FHOD3: variants seen among roughly 807,000 people sequenced by gnomAD.
The protein encoded by FHOD3 is formin homology 2 domain containing 3.
Under a neutral mutation model 173.0 loss-of-function variants are expected in FHOD3, and 90 were observed. That is an observed-to-expected ratio of 0.52 (90% CI 0.44 to 0.62). The LOEUF (loss-of-function observed/expected upper bound fraction) is 0.62, where lower values mean the gene tolerates loss of function less well. FHOD3 is among the 20% of genes least tolerant of loss of function. The probability of loss-of-function intolerance (pLI) is 0.00; values close to 1 mark genes in which losing one functional copy is unlikely to be tolerated. For missense variants in FHOD3, 1,945 were observed against 2,034.7 expected, an observed-to-expected ratio of 0.96 and a Z score of 0.85; for synonymous variants, 828 against 823.0, an observed-to-expected ratio of 1.01 and a Z score of -0.10.
intron 1 of FHOD3, among the ~76,000 whole-genome samples, chr18:36,304,490 T>C (rs552739994): frequency 3.2e-4 from 49 of 152,358 alleles, no homozygotes; most frequent in African/African-American, 1.1e-3. Flanking sequence ...ATCAGAGCTC[T>C]TTCATTAAGT....
chr18:36,299,946 T>C (rs1377178870), intron 1 of FHOD3, among the ~76,000 whole-genome samples: 1 of 152,212 alleles, frequency 6.6e-6, no homozygotes, highest in Non-Finnish European at 1.5e-5. Context: ...GTCAGGGCAT[T>C]TATGTGCCTG....
intron 1 of FHOD3, among the ~76,000 whole-genome samples, chr18:36,301,858 C>T (rs76418848): frequency 0.017 from 2,558 of 152,254 alleles, 41 homozygotes; most frequent in Non-Finnish European, 0.026. Flanking sequence ...GTTAAAATGA[C>T]AATTATTACT....
At chr18:36,595,640 T>A (rs2030219018) in intron 7 of FHOD3, among the ~76,000 whole-genome samples, 1 of 152,246 alleles carries the variant, frequency 6.6e-6, no homozygotes, top group African/African-American at 2.4e-5. Context: ...CCCAGAGTGA[T>A]GTCCCAGCAC....
chr18:36,541,545 G>T (rs1039828309), intron 5 of FHOD3, among the ~76,000 whole-genome samples: 3 of 151,964 alleles, frequency 2.0e-5, no homozygotes, highest in Admixed American at 1.3e-4. Context: ...AAATGAAAAA[G>T]AAATGATGCT....
chr18:36,589,811 T>G (rs1262933545), intron 6 of FHOD3, among the ~76,000 whole-genome samples: 2 of 152,158 alleles, frequency 1.3e-5, no homozygotes, highest in African/African-American at 2.4e-5. Flanking sequence ...GACTGCTTTG[T>G]GACTGCTGTG....
At position 36,330,838 on chromosome 18, in the gene FHOD3, ATGAG is replaced by A. The variant is rs34029107; in HGVS notation, c.166-24672_166-24669del. Among the ~76,000 whole-genome samples, 342 of 151,214 alleles carry A rather than the reference ATGAG, an allele frequency of 2.3e-3. 1 individual carries two copies. Among genetic ancestry groups the A allele is most frequent in the East Asian group, 3.9e-3 (20 of 5,178 alleles). On this transcript the variant is annotated intron_variant, in intron 1 of 28. Coordinates refer to ENST00000590592, the MANE Select transcript of FHOD3 (RefSeq NM_001281740.3). ...GCATCAGAGCTGGAATCTTTTTCTG[ATGAG>A]TGAGTGAGTGAGTGAGTGAGTGAGT...
chr18:36,333,287 A>G (rs1242402122), intron 1 of FHOD3, among the ~76,000 whole-genome samples: 1 of 152,220 alleles, frequency 6.6e-6, no homozygotes, highest in African/African-American at 2.4e-5. Flanking sequence ...GATGGCTGTC[A>G]GGTAAAGACA....
chr18:36,517,283 T>C (rs1270994445), intron 5 of FHOD3, among the ~76,000 whole-genome samples: 1 of 152,176 alleles, frequency 6.6e-6, no homozygotes, highest in African/African-American at 2.4e-5. Context: ...CCTAGAGTGG[T>C]ATATTGCTGG....
At chr18:36,758,994 G>A in intron 25 of FHOD3, 124 bp from the exon 26 acceptor site, 1 of 1,036,524 alleles carries the variant, frequency 9.6e-7, no homozygotes, top group South Asian at 1.4e-5. Flanking sequence ...TATCCTGGTT[G>A]TGGTGACCAG....
At chr18:36,715,907 C>T (rs758134958) in intron 18 of FHOD3, among the ~76,000 whole-genome samples, 3 of 152,168 alleles carry the variant, frequency 2.0e-5, no homozygotes, top group African/African-American at 4.8e-5. Context: ...GAGGGGCTGA[C>T]ACCCTGAGGC....
At chr18:36,327,063 A>G (rs758664172) in intron 1 of FHOD3, among the ~76,000 whole-genome samples, 1 of 152,204 alleles carries the variant, frequency 6.6e-6, no homozygotes, top group Non-Finnish European at 1.5e-5. Flanking sequence ...GTACGTCATG[A>G]GGTTTCTTTG....
intron 11 of FHOD3, among the ~76,000 whole-genome samples, 152 bp from the exon 12 acceptor site, chr18:36,652,418 T>C (rs1336984567): frequency 2.0e-5 from 3 of 152,248 alleles, no homozygotes; most frequent in African/African-American, 7.2e-5. Context: ...TGACAGGCTT[T>C]TATGCTTCAG....
chr18:36,614,558 T>C (rs1350302365), intron 9 of FHOD3, among the ~76,000 whole-genome samples: 3 of 152,186 alleles, frequency 2.0e-5, no homozygotes, highest in Admixed American at 6.5e-5. Flanking sequence ...CTTTAACTGA[T>C]TGAGGAATTG....
At chr18:36,532,404 C>A (rs981994227) in intron 5 of FHOD3, among the ~76,000 whole-genome samples, 3 of 152,176 alleles carry the variant, frequency 2.0e-5, no homozygotes, top group African/African-American at 4.8e-5. Flanking sequence ...AAAGGGACAT[C>A]CATAGTGGCT....
chr18:36,324,522 A>G (rs1307814458), intron 1 of FHOD3, among the ~76,000 whole-genome samples: 2 of 152,228 alleles, frequency 1.3e-5, no homozygotes, highest in Non-Finnish European at 2.9e-5. Flanking sequence ...TATTCAAAAT[A>G]TATAAAAGGC....
intron 3 of FHOD3, among the ~76,000 whole-genome samples, chr18:36,408,838 G>T (rs374224645): frequency 4.3e-4 from 66 of 152,278 alleles, no homozygotes; most frequent in African/African-American, 1.5e-3. Flanking sequence ...CAGATGGGCC[G>T]CATGACTCTA....
At chr18:36,648,676 C>T (rs904915524) in intron 10 of FHOD3, among the ~76,000 whole-genome samples, 1 of 152,064 alleles carries the variant, frequency 6.6e-6, no homozygotes, top group Admixed American at 6.5e-5. Context: ...CCAGGAGAAA[C>T]CCCAGGTGTG....
chr18:36,554,669 TA>T (rs1350787345), intron 5 of FHOD3, among the ~76,000 whole-genome samples: 2 of 152,244 alleles, frequency 1.3e-5, no homozygotes, highest in African/African-American at 4.8e-5. Flanking sequence ...ATTTCATCTT[TA>T]AACATTTATT....
chr18:36,584,298 GA>G (rs554668431), intron 6 of FHOD3, among the ~76,000 whole-genome samples: 105 of 152,290 alleles, frequency 6.9e-4, no homozygotes, highest in Non-Finnish European at 1.4e-3. Flanking sequence ...ATGGGCTCAA[GA>G]AAAGTTATGG....
Sources: allele counts gnomAD v4.1 joint callset (sites outside exome capture counted in the v4.1 genomes callset), GRCh38; gene constraint gnomAD v4.1.1; transcripts MANE v1.5; gene names NCBI Gene and HGNC (gene_info 2026-07-23, HGNC 2026-07-21).